The following MMP19 variants were observed in gnomAD, a reference collection of about 807,000 sequenced individuals.
The protein encoded by MMP19 is matrix metalloproteinase-19.
Under a neutral mutation model 46.6 loss-of-function variants are expected in MMP19, and 47 were observed. The ratio of observed to expected loss-of-function variants is 1.01; its 90% CI spans 0.80 to 1.29. MMP19 has a LOEUF of 1.29. Ranked by LOEUF, MMP19 falls within the 50% of genes most tolerant of loss-of-function variation. The pLI is 0.00. For missense variants in MMP19, 589 were observed against 643.5 expected (o/e 0.92, Z 0.92); for synonymous variants, 222 against 248.5 (o/e 0.89, Z 1.00).
chr12:55,836,864 G>A lies in MMP19; in HGVS notation c.*172C>T. The A allele has an allele frequency of 1.7e-6, 1 of 584,304 alleles. No individual in the cohort carries two copies. The highest frequency in any genetic ancestry group is 2.9e-6 in the Non-Finnish European group (1 of 342,548). The allele number at this position is 584,304 out of a possible 1,614,324, so 36.2% of individuals were successfully genotyped here. ...GAAAGTGGTGGCTGGAGTTGGAAGT[G>A]TTAGAGGCCTGAGATCTACGGTCTT... On this transcript the variant is annotated 3_prime_UTR_variant, in exon 9 of 9. Coordinates refer to ENST00000322569, the MANE Select transcript of MMP19 (RefSeq NM_002429.6).
At chr12:55,838,822 C>CTCTGTATGGGGACTCTG in intron 5 of MMP19, 88 bp from the exon 6 acceptor site, 3 of 1,113,392 alleles carry the variant, frequency 2.7e-6, no homozygotes, top group Non-Finnish European at 2.6e-6. Flanking sequence ...TCAGAGTCCC[C>CTCTGTATGGGGACTCTG]ATACAGAGGG....
Position 55,842,365 on chromosome 12 carries a change from G to T in MMP19, c.161C>A (p.Thr54Asn). ...GSNNFKPEDITEALRAFQEAS... is the reference protein window; with the variant it reads ...GSNNFKPEDINEALRAFQEAS... ...CATAGCTTCTCACCTCAGAGCCTCGGTGATATCTTCTGGCTTGAAGTTATT... is the reference window on the plus strand; with the variant it reads ...CATAGCTTCTCACCTCAGAGCCTCGTTGATATCTTCTGGCTTGAAGTTATT... Residue 54 changes from threonine to asparagine, a missense_variant, in exon 2 of 9, where the codon ACC becomes AAC. Transcript: ENST00000322569. 1.9e-6 allele frequency: 3 copies of T among 1,613,670 alleles called. No individual in the cohort carries two copies. The highest frequency in any genetic ancestry group is 2.5e-6 in the Non-Finnish European group (3 of 1,179,602).
chr12:55,838,748 T>G lies in MMP19; in HGVS notation c.767-14A>C, dbSNP rs1881455258. On this transcript the variant is annotated splice_polypyrimidine_tract_variant and intron_variant, in intron 5 of 8. Transcript: ENST00000322569. Reference sequence around the variant, plus strand: ...GACTCTTCTTGCCTATAAGGTAAAGTAATGCTGCTTAGGGAGAGAACTCAC... The same window carrying G: ...GACTCTTCTTGCCTATAAGGTAAAGGAATGCTGCTTAGGGAGAGAACTCAC... 4.5e-6 allele frequency: 7 copies of G among 1,559,936 alleles called. No individual in the cohort carries two copies. The East Asian group carries it at 1.6e-4, about 35-fold the overall frequency.
In MMP19 at chr12:55,841,067, C is replaced by T. The variant is rs75807379; in HGVS notation, c.304+39G>A. 1.1e-3 allele frequency: 1,737 copies of T among 1,600,402 alleles called. 21 individuals are homozygous for T. The African/African-American group carries it at 0.021, about 19-fold the overall frequency. Reference sequence around the variant, plus strand: ...CCACCCACACGCCAGAACCACATCACCCCCTCCTCTCCCTCTCTTTTCCAG... The same window carrying T: ...CCACCCACACGCCAGAACCACATCATCCCCTCCTCTCCCTCTCTTTTCCAG... On this transcript the variant is annotated intron_variant, in intron 3 of 8. Coordinates refer to ENST00000322569, the MANE Select transcript of MMP19 (RefSeq NM_002429.6).
intron 2 of MMP19, 61 bp downstream of exon 2, chr12:55,842,292 A>G (rs558113486): frequency 6.0e-5 from 82 of 1,362,038 alleles, no homozygotes; most frequent in Non-Finnish European, 8.3e-5. Context: ...AGAGGAAGGG[A>G]TGAGAAGGAA....
Position 55,838,596 on chromosome 12 carries a change from G to A in MMP19, c.895+10C>T, listed in dbSNP as rs368214782. ...CCGCCTGCCAACAGCCTGGAGGGGA[G>A]GGGCCTCACCCAGCATCATGGCATC... On this transcript the variant is annotated intron_variant, in intron 6 of 8. Transcript: ENST00000322569. The A allele has an allele frequency of 7.4e-6, 12 of 1,614,084 alleles. No individual in the cohort carries two copies. In the African/African-American group the frequency reaches 1.6e-4, roughly 22 times the overall value.
chr12:55,837,283 T>C lies in MMP19; in HGVS notation c.1280A>G (p.Asn427Ser). ...PIKGLFTGVP[N>S]QPSAAMSWQD... ...CCAACTCATAGCAGCCGAGGGCTGGTTTGGCACTCCCGTAAACAAACCCTT... is the reference window on the plus strand; with the variant it reads ...CCAACTCATAGCAGCCGAGGGCTGGCTTGGCACTCCCGTAAACAAACCCTT... Residue 427 changes from asparagine (N) to serine (S), a missense_variant, in exon 9 of 9, where the codon AAC (asparagine) becomes AGC (serine). Asn to Ser is a conservative substitution (Grantham distance 46). Transcript: ENST00000322569. 6.2e-7 allele frequency: 1 copy of C among 1,614,152 alleles called. No individual in the cohort carries two copies. The highest frequency in any genetic ancestry group is 8.5e-7 in the Non-Finnish European group (1 of 1,180,018).
In MMP19 at chr12:55,835,989, C is replaced by T. The variant is rs1340681990; in HGVS notation, c.*1047G>A. The stretch of plus-strand genomic sequence containing the variant: ...AGTCTTGCCTTTTGCCCAAAGGAGC[C>T]TGGTCTTCAGGGCTGCATAGGATGC... On this transcript the variant is annotated 3_prime_UTR_variant, in exon 9 of 9. Coordinates refer to ENST00000322569, the MANE Select transcript of MMP19 (RefSeq NM_002429.6). 6.6e-6 allele frequency: 1 copy of T among 152,280 alleles called. No individual in the cohort carries two copies. Among genetic ancestry groups the T allele is most frequent in the East Asian group, 1.9e-4 (1 of 5,196 alleles). 9.4% of individuals were successfully genotyped at this position (152,280 alleles called of 1,614,324 possible).
intron 2 of MMP19, chr12:55,841,528 T>TTCCG: frequency 3.8e-6 from 1 of 260,128 alleles, no homozygotes. Context: ...CCTTCCTTCC[T>TTCCG]TCCTTCCTTC....
chr12:55,838,788 A>G, intron 5 of MMP19, 54 bp from the exon 6 acceptor site: 1 of 1,438,766 alleles, frequency 7.0e-7, no homozygotes, highest in Non-Finnish European at 9.4e-7. Context: ...CCTGTCCTCC[A>G]CACCAGTCTC....
At position 55,836,859 on chromosome 12, in the gene MMP19, G is replaced by T; in HGVS notation, c.*177C>A. 3.6e-6 allele frequency: 2 copies of T among 555,582 alleles called. No individual in the cohort carries two copies. Among genetic ancestry groups the T allele is most frequent in the Non-Finnish European group, 3.1e-6 (1 of 322,866 alleles). 34.4% of individuals were successfully genotyped at this position (555,582 alleles called of 1,614,324 possible). On this transcript the variant is annotated 3_prime_UTR_variant, in exon 9 of 9. Transcript: ENST00000322569. Reference sequence around the variant, plus strand: ...CACAGGAAAGTGGTGGCTGGAGTTGGAAGTGTTAGAGGCCTGAGATCTACG... The same window carrying T: ...CACAGGAAAGTGGTGGCTGGAGTTGTAAGTGTTAGAGGCCTGAGATCTACG...
In MMP19 at chr12:55,837,180, A is replaced by G. The variant is rs189666673; in HGVS notation, c.1383T>C (p.Tyr461=). ...LNQQLRVEKG[Y]PRNISHNWMH... ...TCCAGTTGTGGGAAATATTTCTGGG[A>G]TAGCCTTTCTCTACTCGAAGCTGCT... is the stretch of plus-strand genomic sequence containing the variant. Residue 461 remains tyrosine (Y), a synonymous_variant, in exon 9 of 9, where the codon TAT becomes TAC. Coordinates refer to ENST00000322569, the MANE Select transcript of MMP19 (RefSeq NM_002429.6). The G allele has an allele frequency of 6.2e-7, 1 of 1,614,156 alleles. No homozygotes were observed. The highest frequency in any genetic ancestry group is 2.2e-5 in the East Asian group (1 of 44,876).
chr12:55,842,389 T>C lies in MMP19; in HGVS notation c.137A>G (p.Asn46Ser). 6.2e-7 allele frequency: 1 copy of C among 1,614,010 alleles called. No homozygotes were observed. The highest frequency in any genetic ancestry group is 8.5e-7 in the Non-Finnish European group (1 of 1,179,944). Residue 46 changes from asparagine to serine, a missense_variant, in exon 2 of 9, where the codon AAT becomes AGT. Coordinates refer to ENST00000322569, the MANE Select transcript of MMP19 (RefSeq NM_002429.6). ...GGTGATATCTTCTGGCTTGAAGTTA[T>C]TAGATCCTTCTAGAGGCTTCTGTAG... ...GYLQKPLEGS[N>S]NFKPEDITEA... is the part of the protein sequence containing the mutation.
In MMP19 at chr12:55,837,481, G is replaced by A. The variant is rs140916750; in HGVS notation, c.1188+74C>T. 251 of 1,597,908 alleles carry A rather than the reference G, an allele frequency of 1.6e-4. No homozygotes were observed. In the East Asian group the frequency reaches 4.6e-3, roughly 30 times the overall value. ...AGCTGCAGAACATCTCCCTTCAAGC[G>A]CAAGCTTTGCTTCTCAGTATAAGGT... On this transcript the variant is annotated intron_variant, in intron 8 of 8. Coordinates refer to ENST00000322569, the MANE Select transcript of MMP19 (RefSeq NM_002429.6).
intron 4 of MMP19, 194 bp from the exon 5 acceptor site, chr12:55,839,935 T>C (rs1184360437): frequency 7.1e-6 from 5 of 701,552 alleles, no homozygotes; most frequent in Non-Finnish European, 1.2e-5. Context: ...CCCATCACTG[T>C]CCCTTACCTT....
intron 2 of MMP19, 59 bp downstream of exon 2, chr12:55,842,294 G>T: frequency 7.2e-7 from 1 of 1,383,640 alleles, no homozygotes; most frequent in Non-Finnish European, 1.0e-6. Flanking sequence ...AGGAAGGGAT[G>T]AGAAGGAAGA....
At chr12:55,840,616 C>CA in intron 4 of MMP19, 51 bp downstream of exon 4, 1 of 1,548,088 alleles carries the variant, frequency 6.5e-7, no homozygotes, top group Non-Finnish European at 8.8e-7. Flanking sequence ...TTCAAGGAGA[C>CA]AGAGGTAATC....
Position 55,842,385 on chromosome 12 carries a change from G to C in MMP19, c.141C>G (p.Asn47Lys), listed in dbSNP as rs748942789. ...CCTCGGTGATATCTTCTGGCTTGAAGTTATTAGATCCTTCTAGAGGCTTCT... is the reference window on the plus strand; with the variant it reads ...CCTCGGTGATATCTTCTGGCTTGAACTTATTAGATCCTTCTAGAGGCTTCT... ...YLQKPLEGSN[N>K]FKPEDITEAL... The change falls in exon 2 of 9, where the codon AAC (asparagine) becomes AAG (lysine). Residue 47 changes from asparagine (N) to lysine (K), a missense_variant. Physicochemically the swap from Asn to Lys is moderately conservative, Grantham distance 94. Transcript: ENST00000322569. The C allele has an allele frequency of 1.4e-5, 23 of 1,613,848 alleles. 1 individual carries two copies. In the South Asian group the frequency reaches 2.4e-4, roughly 17 times the overall value.
In MMP19 at chr12:55,837,036, T is replaced by TCAGTATTCA; in HGVS notation, c.1518_1526dup (p.Tyr508_Ter509insCysGluTyr). On this transcript the variant is annotated inframe_insertion, in exon 9 of 9. Coordinates refer to ENST00000322569, the MANE Select transcript of MMP19 (RefSeq NM_002429.6). ...CAAGATTGTGTCTGTGGGTGAGCAG[T>TCAGTATTCA]CAGTATTCAAACGTGGTTTCTGTGG... 6.4e-7 allele frequency: 1 copy of TCAGTATTCA among 1,556,104 alleles called. No homozygotes were observed. The highest frequency in any genetic ancestry group is 8.7e-7 in the Non-Finnish European group (1 of 1,147,790).
Sources: gnomAD v4.1 joint callset for allele counts on GRCh38, gnomAD v4.1.1 for gene constraint, MANE v1.5 for transcripts, NCBI Gene and HGNC (gene_info 2026-07-23, HGNC 2026-07-21) for gene names.